NEBL: variants seen among roughly 807,000 people sequenced by gnomAD.
NEBL encodes LIM and SH3 protein 2.
Under a neutral mutation model 140.2 loss-of-function variants are expected in NEBL, and 122 were observed. That is an observed-to-expected ratio of 0.87 (90% CI 0.75 to 1.01). The LOEUF (loss-of-function observed/expected upper bound fraction) is 1.01, where lower values mean the gene tolerates loss of function less well. NEBL is among the 50% of genes least tolerant of loss of function. NEBL has a pLI of 0.00. For synonymous variants in NEBL, 436 were observed against 398.9 expected, an observed-to-expected ratio of 1.09 and a Z score of -1.11; for missense variants, 1,365 against 1,231.3, an observed-to-expected ratio of 1.11 and a Z score of -1.62.
intron 4 of NEBL, among the ~76,000 whole-genome samples, chr10:20,921,331 C>T (rs1374578286): frequency 6.6e-6 from 1 of 152,168 alleles, no homozygotes; most frequent in Non-Finnish European, 1.5e-5. Flanking sequence ...GTTCCATGTC[C>T]CAGGAGGAGA....
In NEBL at chr10:20,970,050, G is replaced by A. The variant is rs551029313; in HGVS notation, c.250-8271C>T. ...CAGTTTCCTCATATACAAAATATGC[G>A]TAATTTTAGTACAATATTGAGAGCA... On this transcript the variant is annotated intron_variant, in intron 3 of 6. Coordinates refer to the NEBL transcript ENST00000417816. Among the ~76,000 whole-genome samples the A allele has an allele frequency of 7.2e-5, 11 of 152,152 alleles. No individual in the cohort carries two copies. In the South Asian group the frequency reaches 1.5e-3, roughly 20 times the overall value.
At chr10:21,065,069 C>A (rs1429003573) in intron 2 of NEBL, among the ~76,000 whole-genome samples, 2 of 152,102 alleles carry the variant, frequency 1.3e-5, no homozygotes, top group Admixed American at 1.3e-4. Flanking sequence ...GGCATCGTGA[C>A]CTTTTACTGA....
intron 3 of NEBL, among the ~76,000 whole-genome samples, chr10:21,195,152 T>A (rs1003446592): frequency 2.0e-5 from 3 of 152,166 alleles, no homozygotes. Flanking sequence ...TCCTTTCTCC[T>A]ATCTAGATGA....
At chr10:21,054,333 T>C (rs1834915617) in intron 2 of NEBL, among the ~76,000 whole-genome samples, 3 of 152,136 alleles carry the variant, frequency 2.0e-5, no homozygotes, top group Admixed American at 2.0e-4. Context: ...GCCAAATCTG[T>C]TTAATGGTTA....
At chr10:21,292,157 A>T in intron 1 of NEBL, among the ~76,000 whole-genome samples, 1 of 152,146 alleles carries the variant, frequency 6.6e-6, no homozygotes, top group East Asian at 1.9e-4. Flanking sequence ...TTCAAAGAGG[A>T]TATTTCAAGG....
chr10:20,861,332 C>T (rs571252969), intron 7 of NEBL, among the ~76,000 whole-genome samples: 19 of 152,286 alleles, frequency 1.2e-4, no homozygotes, highest in African/African-American at 4.6e-4. Flanking sequence ...TGCTCGCCAC[C>T]ACGCTCAGCT....
chr10:21,023,679 A>G lies in NEBL; in HGVS notation c.165-3478T>C, dbSNP rs541800087. 1.5e-4 allele frequency among the ~76,000 whole-genome samples: 23 copies of G among 152,242 alleles called. No homozygotes were observed. The East Asian group carries it at 2.5e-3, about 17-fold the overall frequency. On this transcript the variant is annotated intron_variant, in intron 2 of 6. Coordinates refer to the NEBL transcript ENST00000417816. ...CACTGCACTCCAGCCTGGGAGACAG[A>G]GTGAGACTCCATCTCAAAAATAAAT...
At chr10:21,055,271 G>A (rs1834960481) in intron 2 of NEBL, among the ~76,000 whole-genome samples, 1 of 152,220 alleles carries the variant, frequency 6.6e-6, no homozygotes, top group African/African-American at 2.4e-5. Context: ...AATATTTACA[G>A]TTTTAAGTAC....
intron 4 of NEBL, among the ~76,000 whole-genome samples, chr10:20,911,725 G>A (rs1848339242): frequency 6.6e-6 from 1 of 152,174 alleles, no homozygotes; most frequent in Non-Finnish European, 1.5e-5. Context: ...GCTATCCTTA[G>A]TGTATTCATG....
intron 2 of NEBL, among the ~76,000 whole-genome samples, chr10:21,033,727 G>A (rs374100641): frequency 5.8e-5 from 8 of 138,512 alleles, no homozygotes; most frequent in East Asian, 2.2e-4. Flanking sequence ...CAACAAGAGC[G>A]AGACTTTGTC....
chr10:20,813,984 T>A lies in NEBL; in HGVS notation c.2301A>T (p.Thr767=), dbSNP rs762555413. The A allele has an allele frequency of 2.0e-5, 33 of 1,611,284 alleles. No homozygotes were observed. The highest frequency in any genetic ancestry group is 2.5e-5 in the Non-Finnish European group (30 of 1,177,592). Residue 767 remains threonine (T), a synonymous_variant, in exon 23 of 28, where the codon ACA becomes ACT. Transcript: ENST00000377122. ...MKGRPSLILD[T]PAMRHVKEAQ... is the part of the protein sequence containing the mutation. ...CTTCTTTAACATGTCTCATAGCAGGTGTATCTAAAATCAGACTTGGTCTAC... is the reference window on the plus strand; with the variant it reads ...CTTCTTTAACATGTCTCATAGCAGGAGTATCTAAAATCAGACTTGGTCTAC...
intron 3 of NEBL, among the ~76,000 whole-genome samples, chr10:21,236,091 T>C (rs11012601): frequency 0.36 from 54,096 of 152,090 alleles, 11,800 homozygotes; most frequent in African/African-American, 0.62. Flanking sequence ...CCCTCTGGAA[T>C]GATTTTCTTT....
chr10:20,848,381 C>T (rs1347801348), intron 11 of NEBL, among the ~76,000 whole-genome samples: 1 of 152,168 alleles, frequency 6.6e-6, no homozygotes, highest in Non-Finnish European at 1.5e-5. Context: ...AAACAAATAA[C>T]TAATTTAATC....
intron 3 of NEBL, among the ~76,000 whole-genome samples, chr10:21,244,239 C>G (rs1842485604): frequency 6.6e-6 from 1 of 151,954 alleles, no homozygotes; most frequent in African/African-American, 2.4e-5. Context: ...GATCTTGGCT[C>G]ACTGCAACCT....
At chr10:20,927,436 T>C (rs1412643698) in intron 4 of NEBL, among the ~76,000 whole-genome samples, 1 of 152,128 alleles carries the variant, frequency 6.6e-6, no homozygotes, top group African/African-American at 2.4e-5. Context: ...ATGGTGATCA[T>C]CACTGATAGT....
At chr10:20,983,015 A>C (rs11012455) in intron 3 of NEBL, among the ~76,000 whole-genome samples, 23,967 of 152,118 alleles carry the variant, frequency 0.16, 3,221 homozygotes, top group East Asian at 0.39. Flanking sequence ...AGCTGATCTT[A>C]TAGGATGGGT....
rs755951769 is a variant in NEBL at position 20,785,790 on chromosome 10, C to T, written c.3002G>A (p.Arg1001Lys). The change falls in exon 28 of 28, where the codon AGA becomes AAA. Residue 1001 changes from arginine to lysine, a missense_variant. By Grantham distance (26) the Arg-to-Lys change is conservative. Coordinates refer to ENST00000377122, the MANE Select transcript of NEBL (RefSeq NM_006393.3). Reference protein sequence around the residue: ...WMYGTVQRTGRTGMLPANYIE... With the variant: ...WMYGTVQRTGKTGMLPANYIE... ...GTAATTCGCTGGGAGCATTCCTGTT[C>T]TCCCTGTTCTCTGCACTGTGCCGTA... 7 of 1,614,012 alleles carry T rather than the reference C, an allele frequency of 4.3e-6. No homozygotes were observed. In the South Asian group the frequency reaches 5.5e-5, roughly 13 times the overall value.
At chr10:20,925,642 A>G (rs2051380180) in intron 4 of NEBL, among the ~76,000 whole-genome samples, 1 of 152,076 alleles carries the variant, frequency 6.6e-6, no homozygotes, top group Admixed American at 6.6e-5. Context: ...CAACTCCTTA[A>G]CCCACACATT....
chr10:20,999,274 G>A (rs1353410495), intron 3 of NEBL, among the ~76,000 whole-genome samples: 1 of 152,074 alleles, frequency 6.6e-6, no homozygotes, highest in Non-Finnish European at 1.5e-5. Context: ...AAGACCTGCA[G>A]TGATGCTATA....
Sources: gnomAD v4.1 joint callset for allele counts (sites outside exome capture counted in the v4.1 genomes callset) on GRCh38, gnomAD v4.1.1 for gene constraint, MANE v1.5 for transcripts, NCBI Gene and HGNC (gene_info 2026-07-23, HGNC 2026-07-21) for gene names.